Variants in GLUD1 observed in about 807,000 individuals in gnomAD.
GLUD1 encodes the protein glutamate dehydrogenase 1, also known as glutamate dehydrogenase 1, mitochondrial.
GLUD1 carries 22 observed loss-of-function variants against 56.0 expected under a neutral mutation model. The ratio of observed to expected loss-of-function variants is 0.39; its 90% confidence interval spans 0.28 to 0.56. The LOEUF (loss-of-function observed/expected upper bound fraction) is 0.56. GLUD1 is among the 20% of genes least tolerant of loss of function. The pLI, the probability that GLUD1 is intolerant of heterozygous loss-of-function variation, is 0.58. For synonymous variants in GLUD1, 223 were observed against 269.9 expected (o/e 0.83, Z 1.70); for missense variants, 451 against 732.0 (o/e 0.62, Z 4.43).
rs756106006 is a variant in GLUD1 at position 87,059,290 on chromosome 10, GAC to G, written c.1279-19_1279-18del. The G allele has an allele frequency of 9.9e-6, 16 of 1,612,610 alleles. No homozygotes were observed. The highest frequency in any genetic ancestry group is 1.4e-5 in the Non-Finnish European group (16 of 1,178,792). On this transcript the variant is annotated intron_variant, in intron 9 of 12. Transcript: ENST00000277865. ...GTAGAGATCCTATGCACAAAAATAA[GAC>G]AAAGAAATTAGAAGATGATGGTTTT...
Position 87,062,754 on chromosome 10 carries a change from C to T in GLUD1, c.823G>A (p.Gly275Ser), listed in dbSNP as rs776581324. 2 of 1,614,006 alleles carry T rather than the reference C, an allele frequency of 1.2e-6. No homozygotes were observed. The highest frequency in any genetic ancestry group is 2.2e-5 in the South Asian group (2 of 91,070). ...AAATTTTCAATCCCATGGAAGACAC[C>T]ACGGCCAGTAGCAGAGATGCGTCCA... ...IHGRISATGR[G>S]VFHGIENFIN... Residue 275 changes from glycine to serine, a missense_variant, in exon 6 of 13, where the codon GGT (glycine) becomes AGT (serine). Coordinates refer to ENST00000277865, the MANE Select transcript of GLUD1 (RefSeq NM_005271.5).
intron 1 of GLUD1, among the ~76,000 whole-genome samples, chr10:87,080,836 G>C (rs1360997057): frequency 6.7e-6 from 1 of 150,264 alleles, no homozygotes; most frequent in East Asian, 2.0e-4. Flanking sequence ...CGACCTGTCC[G>C]GGAGGGAGGT....
intron 4 of GLUD1, among the ~76,000 whole-genome samples, chr10:87,073,743 T>C (rs1846304794): frequency 6.6e-6 from 1 of 150,440 alleles, no homozygotes; most frequent in African/African-American, 2.4e-5. Context: ...CTCAGCCTCC[T>C]GAGTAGCTGG....
chr10:87,083,688 C>G (rs1841316736), intron 1 of GLUD1, among the ~76,000 whole-genome samples: 2 of 152,218 alleles, frequency 1.3e-5, no homozygotes, highest in Admixed American at 1.3e-4. Flanking sequence ...ATTTTTGTAT[C>G]CCAAAGTCTT....
At chr10:87,088,642 G>T (rs1034281168) in intron 1 of GLUD1, among the ~76,000 whole-genome samples, 1 of 152,106 alleles carries the variant, frequency 6.6e-6, no homozygotes, top group Non-Finnish European at 1.5e-5. Context: ...AACGATAAAA[G>T]AAGTCATACT....
At chr10:87,067,443 C>A (rs1340984538) in intron 5 of GLUD1, among the ~76,000 whole-genome samples, 1 of 152,188 alleles carries the variant, frequency 6.6e-6, no homozygotes, top group Non-Finnish European at 1.5e-5. Flanking sequence ...CCAGGCTGGT[C>A]TCGAACTCCT....
Position 87,051,882 on chromosome 10 carries a change from G to A in GLUD1, c.1558-12C>T. The A allele has an allele frequency of 1.9e-6, 3 of 1,614,140 alleles. No homozygotes were observed. Among genetic ancestry groups the A allele is most frequent in the Non-Finnish European group, 2.5e-6 (3 of 1,179,994 alleles). ...GTGCGCATAATTTGCTGAAATGAAAGAGAAAATGCAGTGAAGATGATCCTG... is the reference window on the plus strand; with the variant it reads ...GTGCGCATAATTTGCTGAAATGAAAAAGAAAATGCAGTGAAGATGATCCTG... On this transcript the variant is annotated splice_polypyrimidine_tract_variant and intron_variant, in intron 12 of 12. Coordinates refer to ENST00000277865, the MANE Select transcript of GLUD1 (RefSeq NM_005271.5).
In GLUD1 at chr10:87,050,652, G is replaced by A. The variant is rs1845609309; in HGVS notation, c.*1099C>T. 1 of 151,432 alleles carries A rather than the reference G, an allele frequency of 6.6e-6. No individual in the cohort carries two copies. Among genetic ancestry groups the A allele is most frequent in the African/African-American group, 2.4e-5 (1 of 41,190 alleles). 9.4% of individuals were successfully genotyped at this position (151,432 alleles called of 1,614,324 possible). A position where few individuals can be genotyped will look rare whatever the true frequency, so the allele number is the denominator to read the frequency against. On this transcript the variant is annotated 3_prime_UTR_variant, in exon 13 of 13. Coordinates refer to ENST00000277865, the MANE Select transcript of GLUD1 (RefSeq NM_005271.5). Reference sequence around the variant, plus strand: ...TCATGGGGACACTACTGTTCAAAAGGCCCTGGCCAAATAACTCCCAAATGA... The same window carrying A: ...TCATGGGGACACTACTGTTCAAAAGACCCTGGCCAAATAACTCCCAAATGA...
chr10:87,077,479 A>C (rs914587047), intron 1 of GLUD1, among the ~76,000 whole-genome samples: 12 of 151,442 alleles, frequency 7.9e-5, no homozygotes, highest in Admixed American at 7.3e-4. Context: ...AAAATGAGAA[A>C]GCCATTTTCC....
At chr10:87,060,886 G>C in intron 7 of GLUD1, 29 bp downstream of exon 7, 1 of 1,612,962 alleles carries the variant, frequency 6.2e-7, no homozygotes, top group Non-Finnish European at 8.5e-7. Context: ...TTTATATTTA[G>C]TGTCTATGCT....
chr10:87,062,863 A>G (rs754977527), intron 5 of GLUD1, 28 bp from the exon 6 acceptor site: 1 of 1,599,114 alleles, frequency 6.3e-7, no homozygotes, highest in South Asian at 1.1e-5. Flanking sequence ...TGAAAGAATG[A>G]AATGTCAAGT....
intron 4 of GLUD1, among the ~76,000 whole-genome samples, chr10:87,071,820 C>T (rs1020197170): frequency 2.0e-5 from 3 of 152,210 alleles, no homozygotes; most frequent in Admixed American, 2.0e-4. Flanking sequence ...AGACCAATGT[C>T]ACTTACAATA....
chr10:87,080,335 A>G (rs571020978), intron 1 of GLUD1, among the ~76,000 whole-genome samples: 58 of 152,098 alleles, frequency 3.8e-4, no homozygotes, highest in African/African-American at 1.4e-3. Flanking sequence ...AAGTGCCCAG[A>G]GTGCAGCCTC....
At chr10:87,080,283 C>T (rs1283323317) in intron 1 of GLUD1, among the ~76,000 whole-genome samples, 1 of 151,886 alleles carries the variant, frequency 6.6e-6, no homozygotes, top group Admixed American at 6.6e-5. Flanking sequence ...GATCTCGGCT[C>T]GCTACAACCT....
At position 87,050,480 on chromosome 10, in the gene GLUD1, CG is replaced by C. The variant is rs1409217287; in HGVS notation, c.*1270del. The C allele has an allele frequency of 1.3e-5, 2 of 151,432 alleles. No individual in the cohort carries two copies. The highest frequency in any genetic ancestry group is 2.9e-5 in the Non-Finnish European group (2 of 67,974). The allele number at this position is 151,432 out of a possible 1,614,324, so 9.4% of individuals were successfully genotyped here. On this transcript the variant is annotated 3_prime_UTR_variant, in exon 13 of 13. Coordinates refer to ENST00000277865, the MANE Select transcript of GLUD1 (RefSeq NM_005271.5). ...CACATGTAAAAACACAGAAAAGAAACGTAAGTTTTGGAAAACGTAGACTTTT... is the reference window on the plus strand; with the variant it reads ...CACATGTAAAAACACAGAAAAGAAACTAAGTTTTGGAAAACGTAGACTTTT...
At chr10:87,059,803 T>C (rs924017348) in intron 9 of GLUD1, among the ~76,000 whole-genome samples, 1 of 152,236 alleles carries the variant, frequency 6.6e-6, no homozygotes, top group Non-Finnish European at 1.5e-5. Flanking sequence ...TTCCTCATAT[T>C]AGTTTTCTGA....
At chr10:87,088,283 A>G (rs1458274656) in intron 1 of GLUD1, among the ~76,000 whole-genome samples, 1 of 152,086 alleles carries the variant, frequency 6.6e-6, no homozygotes, top group African/African-American at 2.4e-5. Flanking sequence ...AGGAGATTTG[A>G]ATCTGCTCTA....
intron 4 of GLUD1, among the ~76,000 whole-genome samples, chr10:87,072,905 T>C (rs1016260345): frequency 4.6e-5 from 7 of 152,174 alleles, no homozygotes; most frequent in African/African-American, 1.7e-4. Context: ...CCTATAAAAG[T>C]GTGAGCGAGA....
chr10:87,084,369 T>C (rs1476575631), intron 1 of GLUD1, among the ~76,000 whole-genome samples: 2 of 152,234 alleles, frequency 1.3e-5, no homozygotes, highest in African/African-American at 4.8e-5. Context: ...AGATATTCCT[T>C]AGTATGCTCA....
Sources: allele counts gnomAD v4.1 joint callset (sites outside exome capture counted in the v4.1 genomes callset), GRCh38; gene constraint gnomAD v4.1.1; transcripts MANE v1.5; gene names NCBI Gene and HGNC (gene_info 2026-07-23, HGNC 2026-07-21).